MORC1: variants seen among roughly 807,000 people sequenced by gnomAD.
MORC1 encodes the protein MORC family CW-type zinc finger protein 1.
Under a neutral mutation model 134.9 loss-of-function variants are expected in MORC1, and 59 were observed. The ratio of observed to expected loss-of-function variants is 0.44; its 90% CI spans 0.35 to 0.54. MORC1 has a LOEUF of 0.54. MORC1 is among the 20% of genes least tolerant of loss of function. MORC1 has a pLI of 0.00. For missense variants in MORC1, 947 were observed against 1,134.5 expected (o/e 0.83, Z 2.37); for synonymous variants, 395 against 391.7 (o/e 1.01, Z -0.10).
intron 14 of MORC1, among the ~76,000 whole-genome samples, chr3:109,040,749 G>A (rs538746972): frequency 6.9e-6 from 1 of 144,734 alleles, no homozygotes; most frequent in South Asian, 2.2e-4. Context: ...AGAATCTCTT[G>A]AAACTGGGAG....
chr3:109,032,867 T>C, intron 15 of MORC1, 42 bp from the exon 16 acceptor site: 1 of 1,260,796 alleles, frequency 7.9e-7, no homozygotes, highest in Non-Finnish European at 1.2e-6. Flanking sequence ...AGATCAGAAA[T>C]GAATCTATCA....
Position 109,035,461 on chromosome 3 carries a change from T to G in MORC1, c.1338A>C (p.Arg446Ser). 7.3e-7 allele frequency: 1 copy of G among 1,378,976 alleles called. No individual in the cohort carries two copies. The highest frequency in any genetic ancestry group is 9.6e-7 in the Non-Finnish European group (1 of 1,045,534). The allele number at this position is 1,378,976 out of a possible 1,614,324, so 85.4% of individuals were successfully genotyped here. Reference protein sequence around the residue: ...QYCKDTGINNRNLTLFCNEFG... With the variant: ...QYCKDTGINNSNLTLFCNEFG... ...ATTCATTGCAAAACAATGTTAAATT[T>G]CTATTATCTTTTAAAAAAAAAAGCA... The change falls in exon 15 of 28, where the codon AGA becomes AGC. Residue 446 changes from arginine (R) to serine (S), a missense_variant. This residue lies in a region of MORC1 where 722 missense variants were observed against 817.0 expected (regional missense o/e 0.88). Coordinates refer to ENST00000232603, the MANE Select transcript of MORC1 (RefSeq NM_014429.4).
In MORC1 at chr3:108,979,584, G is replaced by A. The variant is rs199763549; in HGVS notation, c.2408C>T (p.Ala803Val). ...RVSVSGSCKV[A>V]SSPASSQSTP... ...GCTTTGAGAAGACGCTGGCGAAGAA[G>A]CAACTTTACAACTGCCACTCACAGA... is the stretch of plus-strand genomic sequence containing the variant. Residue 803 changes from alanine (A) to valine (V), a missense_variant, in exon 24 of 28, where the codon GCT becomes GTT. Coordinates refer to ENST00000232603, the MANE Select transcript of MORC1 (RefSeq NM_014429.4). The A allele has an allele frequency of 3.7e-6, 6 of 1,614,066 alleles. No individual in the cohort carries two copies. The highest frequency in any genetic ancestry group is 1.3e-5 in the African/African-American group (1 of 74,944).
In MORC1 at chr3:109,014,682, A is replaced by G. The variant is rs1948774955; in HGVS notation, c.1705-7591T>C. Among the ~76,000 whole-genome samples, 3 of 152,142 alleles carry G rather than the reference A, an allele frequency of 2.0e-5. No individual in the cohort carries two copies. The South Asian group carries it at 6.2e-4, about 31-fold the overall frequency. ...ATTATTTCGTGCTAGTTTTATTGTA[A>G]TGGATTTTGACCTGAACTATTAATC... On this transcript the variant is annotated intron_variant, in intron 17 of 27. Transcript: ENST00000232603.
chr3:109,006,006 T>C (rs1007539698), intron 18 of MORC1, among the ~76,000 whole-genome samples: 4 of 152,224 alleles, frequency 2.6e-5, no homozygotes, highest in Admixed American at 6.5e-5. Flanking sequence ...AGTTTGTTCA[T>C]GGCTAAGTCA....
intron 14 of MORC1, among the ~76,000 whole-genome samples, chr3:109,045,638 A>G (rs1279939865): frequency 1.3e-5 from 2 of 152,192 alleles, no homozygotes; most frequent in African/African-American, 4.8e-5. Flanking sequence ...AGTGAAAAAA[A>G]GCAAGACAAG....
At position 108,963,626 on chromosome 3, in the gene MORC1, A is replaced by T; in HGVS notation, c.2605-18T>A. The T allele has an allele frequency of 3.4e-6, 5 of 1,468,600 alleles. No homozygotes were observed. The highest frequency in any genetic ancestry group is 4.6e-6 in the Non-Finnish European group (5 of 1,088,518). 91.0% of individuals were successfully genotyped at this position (1,468,600 alleles called of 1,614,324 possible). A position where few individuals can be genotyped will look rare whatever the true frequency, so the allele number is the denominator to read the frequency against. ...TTCTGTATCTGGGAATGTTTTAAAA[A>T]CAGTTTTAGCATGTTTTTAAAATAT... On this transcript the variant is annotated intron_variant, in intron 26 of 27. Coordinates refer to ENST00000232603, the MANE Select transcript of MORC1 (RefSeq NM_014429.4).
chr3:108,970,108 G>C (rs1054004559), intron 25 of MORC1, among the ~76,000 whole-genome samples: 3 of 151,954 alleles, frequency 2.0e-5, no homozygotes, highest in African/African-American at 4.8e-5. Flanking sequence ...TGGCATGTGG[G>C]GGGTAGTATT....
At chr3:108,986,751 A>G in intron 22 of MORC1, 129 bp downstream of exon 22, 1 of 660,608 alleles carries the variant, frequency 1.5e-6, no homozygotes, top group African/African-American at 1.9e-5. Flanking sequence ...CTAGAACAAC[A>G]AACTTAATTT....
At chr3:109,053,982 A>G (rs1056672292) in intron 14 of MORC1, among the ~76,000 whole-genome samples, 13 of 152,128 alleles carry the variant, frequency 8.5e-5, no homozygotes, top group African/African-American at 3.1e-4. Context: ...TAACTATGCA[A>G]AACAAAGTCT....
chr3:109,111,492 T>G (rs952229722), intron 2 of MORC1, among the ~76,000 whole-genome samples: 1 of 151,914 alleles, frequency 6.6e-6, no homozygotes. Context: ...GAAGACTGTT[T>G]TAAAAAAAAT....
intron 9 of MORC1, among the ~76,000 whole-genome samples, chr3:109,064,576 T>C (rs1425238977): frequency 6.7e-6 from 1 of 149,088 alleles, no homozygotes; most frequent in Non-Finnish European, 1.5e-5. Context: ...TATTTTAAAA[T>C]TTAAGTTGAA....
intron 24 of MORC1, among the ~76,000 whole-genome samples, chr3:108,974,814 A>G (rs928111987): frequency 6.6e-6 from 1 of 152,234 alleles, no homozygotes; most frequent in Non-Finnish European, 1.5e-5. Context: ...GATATCTTCC[A>G]AAGTTGTTAC....
chr3:109,086,487 C>A (rs1449283423), intron 8 of MORC1, among the ~76,000 whole-genome samples: 1 of 151,830 alleles, frequency 6.6e-6, no homozygotes, highest in Non-Finnish European at 1.5e-5. Context: ...TTCTATCAAA[C>A]CTGATGGATT....
At chr3:108,965,703 CCATAATTATG>C (rs1024534004) in intron 26 of MORC1, among the ~76,000 whole-genome samples, 1 of 151,994 alleles carries the variant, frequency 6.6e-6, no homozygotes, top group Non-Finnish European at 1.5e-5. Flanking sequence ...TGATATTGTA[CCATAATTATG>C]CATAATTATG....
At chr3:109,086,996 G>A (rs982979815) in intron 8 of MORC1, among the ~76,000 whole-genome samples, 1 of 152,076 alleles carries the variant, frequency 6.6e-6, no homozygotes, top group Admixed American at 6.6e-5. Flanking sequence ...GTAGAAGAGA[G>A]ACTGGGGGAG....
At chr3:109,068,492 A>C (rs1316947410) in intron 9 of MORC1, among the ~76,000 whole-genome samples, 4 of 152,212 alleles carry the variant, frequency 2.6e-5, no homozygotes, top group South Asian at 2.1e-4. Flanking sequence ...TTCACTTAGA[A>C]TAATAGTCTC....
In MORC1 at chr3:109,031,972, T is replaced by C. The variant is rs536715798; in HGVS notation, c.1565+748A>G. 3.3e-5 allele frequency among the ~76,000 whole-genome samples: 5 copies of C among 152,296 alleles called. No homozygotes were observed. In the South Asian group the frequency reaches 1.0e-3, roughly 32 times the overall value. ...ATATAAATAACCTGAGGACTCTAGATGAAAGGGGTTTTAGCAGCAGTTTCC... is the reference window on the plus strand; with the variant it reads ...ATATAAATAACCTGAGGACTCTAGACGAAAGGGGTTTTAGCAGCAGTTTCC... On this transcript the variant is annotated intron_variant, in intron 16 of 27. Coordinates refer to ENST00000232603, the MANE Select transcript of MORC1 (RefSeq NM_014429.4).
chr3:109,099,250 G>A (rs1350264092), intron 6 of MORC1, 108 bp downstream of exon 6: 2 of 745,086 alleles, frequency 2.7e-6, no homozygotes, highest in Non-Finnish European at 2.1e-6. Flanking sequence ...ATATTCCTAA[G>A]TTTCTAAATA....
Sources: allele counts gnomAD v4.1 joint callset (sites outside exome capture counted in the v4.1 genomes callset), GRCh38; gene constraint gnomAD v4.1.1; regional missense constraint gnomAD v4.1.1; transcripts MANE v1.5; gene names NCBI Gene and HGNC (gene_info 2026-07-23, HGNC 2026-07-21).